JCAD: variants seen among roughly 807,000 people sequenced by gnomAD.
The protein encoded by JCAD is junctional cadherin 5 associated, also known as junctional cadherin 5-associated protein.
Under a neutral mutation model 98.0 loss-of-function variants are expected in JCAD, and 40 were observed. That is an observed-to-expected ratio of 0.41 (90% confidence interval 0.32 to 0.53). The LOEUF is 0.53. Ranked by LOEUF, JCAD falls within the 20% of genes least tolerant of loss-of-function variation. The pLI, the probability that JCAD is intolerant of heterozygous loss-of-function variation, is 0.31. For missense variants in JCAD, 1,705 were observed against 1,738.1 expected, an observed-to-expected ratio of 0.98 and a Z score of 0.34; for synonymous variants, 691 against 682.3, an observed-to-expected ratio of 1.01 and a Z score of -0.20.
At chr10:30,064,042 C>T (rs4304656), upstream of JCAD, among the ~76,000 whole-genome samples, 35,143 of 151,950 alleles carry the variant, frequency 0.23, 4,709 homozygotes, top group East Asian at 0.31. Context: ...CCTGACCTTG[C>T]GATCTGCCTG....
At chr10:30,071,350 A>C (rs1277941134) in intron 1 of JCAD, among the ~76,000 whole-genome samples, 1 of 152,196 alleles carries the variant, frequency 6.6e-6, no homozygotes, top group Non-Finnish European at 1.5e-5. Flanking sequence ...GTAGTATCAA[A>C]GAGGCACTAG....
intron 1 of JCAD, among the ~76,000 whole-genome samples, chr10:30,092,957 G>A (rs935556210): frequency 1.3e-5 from 2 of 152,102 alleles, no homozygotes; most frequent in African/African-American, 4.8e-5. Flanking sequence ...AATAAATTAT[G>A]CTTATTCTGA....
At chr10:30,109,309 G>A (rs1242158317) in intron 1 of JCAD, among the ~76,000 whole-genome samples, 1 of 152,142 alleles carries the variant, frequency 6.6e-6, no homozygotes, top group Non-Finnish European at 1.5e-5. Flanking sequence ...GGTTCATTAA[G>A]GACCTTTCAC....
At chr10:30,077,179 A>G (rs1353342255) in intron 1 of JCAD, among the ~76,000 whole-genome samples, 1 of 152,192 alleles carries the variant, frequency 6.6e-6, no homozygotes, top group Non-Finnish European at 1.5e-5. Flanking sequence ...TATATTTACA[A>G]ATCCCTGGCC....
intron 1 of JCAD, among the ~76,000 whole-genome samples, chr10:30,114,826 AATAG>A (rs3074824): frequency 0.42 from 63,984 of 150,654 alleles, 14,189 homozygotes; most frequent in Non-Finnish European, 0.49. Flanking sequence ...TTTAAAGCCG[AATAG>A]ATAGATAGAT....
At position 30,027,580 on chromosome 10, in the gene JCAD, G is replaced by GCTGCTGCTGCTGCTGCTGCTA; in HGVS notation, c.2567_2568insTAGCAGCAGCAGCAGCAGCAG (p.Ser853_Ser859dup). The GCTGCTGCTGCTGCTGCTGCTA allele has an allele frequency of 6.2e-7, 1 of 1,613,716 alleles. No homozygotes were observed. The highest frequency in any genetic ancestry group is 2.2e-5 in the East Asian group (1 of 44,844). On this transcript the variant is annotated inframe_insertion, in exon 3 of 4. Coordinates refer to ENST00000375377, the MANE Select transcript of JCAD (RefSeq NM_020848.4). The stretch of plus-strand genomic sequence containing the variant: ...CCGCCTCACTCTCCTCACTGCTGCT[G>GCTGCTGCTGCTGCTGCTGCTA]CTGCTGCTGCTGCTGCTACTGCTGC...
At chr10:30,078,160 C>T (rs1838011495) in intron 1 of JCAD, among the ~76,000 whole-genome samples, 1 of 152,120 alleles carries the variant, frequency 6.6e-6, no homozygotes, top group African/African-American at 2.4e-5. Context: ...CATACTTTTT[C>T]TAATTTAGTC....
chr10:30,034,492 A>G (rs746276151), intron 2 of JCAD, among the ~76,000 whole-genome samples: 5 of 152,164 alleles, frequency 3.3e-5, no homozygotes. Flanking sequence ...TTTTGTTGTC[A>G]TTGAAATTAT....
chr10:30,067,663 A>G (rs1171492935), intron 2 of JCAD, among the ~76,000 whole-genome samples: 1 of 152,194 alleles, frequency 6.6e-6, no homozygotes, highest in East Asian at 1.9e-4. Flanking sequence ...CTTATGTGCC[A>G]GGCACTGGGC....
upstream of JCAD, among the ~76,000 whole-genome samples, chr10:30,062,614 A>T (rs182874705): frequency 6.6e-6 from 1 of 152,346 alleles, no homozygotes; most frequent in African/African-American, 2.4e-5. Context: ...TAATGGACTC[A>T]CAGCTGCACA....
At chr10:30,056,162 G>T (rs553196765) in intron 1 of JCAD, among the ~76,000 whole-genome samples, 1 of 152,158 alleles carries the variant, frequency 6.6e-6, no homozygotes, top group African/African-American at 2.4e-5. Context: ...ATCATCATAG[G>T]TTAGAGTTTT....
Position 30,018,087 on chromosome 10 carries a change from T to C in JCAD, c.4046-170A>G, listed in dbSNP as rs150699597. On this transcript the variant is annotated intron_variant, in intron 3 of 3. Transcript: ENST00000375377. The stretch of plus-strand genomic sequence containing the variant: ...TCACTAAGGAGTAAAAAACTATTTG[T>C]CAAAAAGGCTGTTTTCAAAGAATTG... Among the ~76,000 whole-genome samples the C allele has an allele frequency of 7.4e-3, 1,131 of 152,304 alleles. 12 individuals are homozygous for C. Among genetic ancestry groups the C allele is most frequent in the African/African-American group, 0.026 (1,078 of 41,566 alleles).
chr10:30,110,894 G>A (rs1348842316), intron 1 of JCAD, among the ~76,000 whole-genome samples: 1 of 151,940 alleles, frequency 6.6e-6, no homozygotes, highest in Non-Finnish European at 1.5e-5. Flanking sequence ...ACCAGCTGAT[G>A]TGTGAACATC....
At chr10:30,111,984 T>C (rs560092656) in intron 1 of JCAD, among the ~76,000 whole-genome samples, 36 of 152,192 alleles carry the variant, frequency 2.4e-4, no homozygotes, top group African/African-American at 8.2e-4. Context: ...GAGCTGAAAA[T>C]ATGGGTTTAA....
At position 30,112,310 on chromosome 10, in the gene JCAD, C is replaced by CA. The variant is rs1224783493; in HGVS notation, n.128+3056dup. Among the ~76,000 whole-genome samples, 3 of 150,658 alleles carry CA rather than the reference C, an allele frequency of 2.0e-5. No homozygotes were observed. In the East Asian group the frequency reaches 5.9e-4, roughly 30 times the overall value. ...GCAACAAAATGAGACCCTGTCTCTACAAAAAATTTAAAAAAAAAATTAGCT... is the reference window on the plus strand; with the variant it reads ...GCAACAAAATGAGACCCTGTCTCTACAAAAAAATTTAAAAAAAAAATTAGCT... On this transcript the variant is annotated intron_variant and non_coding_transcript_variant, in intron 1 of 2. Coordinates refer to the JCAD transcript ENST00000465712.
chr10:30,043,581 GC>G (rs1837282226), intron 2 of JCAD, among the ~76,000 whole-genome samples: 1 of 137,660 alleles, frequency 7.3e-6, no homozygotes, highest in Non-Finnish European at 1.7e-5. Flanking sequence ...GTCTTTATAG[GC>G]CTCTCCCAGA....
At chr10:30,100,771 A>G (rs1177675651) in intron 1 of JCAD, among the ~76,000 whole-genome samples, 2 of 152,304 alleles carry the variant, frequency 1.3e-5, no homozygotes, top group East Asian at 1.9e-4. Flanking sequence ...TGAGTGACCA[A>G]TGGCCCCTGA....
chr10:30,082,864 AAAAAAAAAAAAAAC>A (rs1340521641), intron 1 of JCAD, among the ~76,000 whole-genome samples: 9 of 148,998 alleles, frequency 6.0e-5, no homozygotes, highest in South Asian at 2.1e-4. Flanking sequence ...AAAAAAAAAA[AAAAAAAAAAAAAAC>A]AAAAAATTAG....
At position 30,092,064 on chromosome 10, in the gene JCAD, AATATATATATAT is replaced by A. The variant is rs1272095459; in HGVS notation, n.129-22255_129-22244del. 1.6e-4 allele frequency among the ~76,000 whole-genome samples: 3 copies of A among 19,026 alleles called. No individual in the cohort carries two copies. In the South Asian group the frequency reaches 0.013, roughly 83 times the overall value. The allele number at this position is 19,026 out of a possible 152,430, so 12.5% of individuals were successfully genotyped here. On this transcript the variant is annotated intron_variant and non_coding_transcript_variant, in intron 1 of 2. Transcript: ENST00000465712. ...AAAAAAAAAAAAAAAAAAAAAAAAAAATATATATATATATATATATATATAAAGTTACTTTAT... is the reference window on the plus strand; with the variant it reads ...AAAAAAAAAAAAAAAAAAAAAAAAAAATATATATATATAAAGTTACTTTAT...
Sources: gnomAD v4.1 joint callset for allele counts (sites outside exome capture counted in the v4.1 genomes callset) on GRCh38, gnomAD v4.1.1 for gene constraint, MANE v1.5 for transcripts, NCBI Gene and HGNC (gene_info 2026-07-23, HGNC 2026-07-21) for gene names.